STAG1: variants seen among roughly 807,000 people sequenced by gnomAD.
STAG1 encodes the protein cohesin subunit SA-1.
In STAG1, 26 loss-of-function variants were observed where a neutral mutation model predicts 170.9. The observed-to-expected ratio is 0.15, with a 90% CI of 0.11 to 0.21. The LOEUF (loss-of-function observed/expected upper bound fraction) is 0.21, where lower values mean the gene tolerates loss of function less well. Among genes scored for constraint, STAG1 ranks in the 10% least tolerant of loss-of-function variants. STAG1 has a pLI of 1.00. For missense variants in STAG1, 964 were observed against 1,509.5 expected (o/e 0.64, Z 5.99); for synonymous variants, 514 against 497.7 (o/e 1.03, Z -0.44).
intron 1 of STAG1, among the ~76,000 whole-genome samples, chr3:136,714,956 T>TA (rs1271408039): frequency 1.4e-5 from 1 of 69,156 alleles, no homozygotes; most frequent in African/African-American, 4.1e-5. Context: ...TATATATATA[T>TA]ATATATATTT....
At chr3:136,724,187 A>C (rs1933521291) in intron 1 of STAG1, among the ~76,000 whole-genome samples, 1 of 152,004 alleles carries the variant, frequency 6.6e-6, no homozygotes, top group East Asian at 1.9e-4. Context: ...GAAAGGATTG[A>C]GAAATCGGAT....
chr3:136,563,647 CAAAAA>C (rs772716937), intron 5 of STAG1, among the ~76,000 whole-genome samples: 1 of 97,968 alleles, frequency 1.0e-5, no homozygotes, highest in Non-Finnish European at 2.2e-5. Context: ...TTCTTTCTTA[CAAAAA>C]AAAAAAAAAA....
At chr3:136,689,142 A>G (rs940767303) in intron 1 of STAG1, among the ~76,000 whole-genome samples, 3 of 152,254 alleles carry the variant, frequency 2.0e-5, no homozygotes, top group Non-Finnish European at 4.4e-5. Flanking sequence ...CTCAAGAATA[A>G]TTTTGGCCAT....
chr3:136,390,026 T>C (rs1470535614), intron 22 of STAG1, among the ~76,000 whole-genome samples: 1 of 151,956 alleles, frequency 6.6e-6, no homozygotes, highest in Non-Finnish European at 1.5e-5. Flanking sequence ...AGAGATGGGG[T>C]TTCACCATAT....
Position 136,700,424 on chromosome 3 carries a change from T to C in STAG1, c.-84+51771A>G, listed in dbSNP as rs556871492. ...TACAACTAAATTACTTCTTCTTTTTTTTTTTTTTATTTGAGACAGAATTTC... is the reference window on the plus strand; with the variant it reads ...TACAACTAAATTACTTCTTCTTTTTCTTTTTTTTATTTGAGACAGAATTTC... On this transcript the variant is annotated intron_variant, in intron 1 of 33. Transcript: ENST00000383202. Among the ~76,000 whole-genome samples, 4 of 151,812 alleles carry C rather than the reference T, an allele frequency of 2.6e-5. No individual in the cohort carries two copies. The South Asian group carries it at 8.4e-4, about 32-fold the overall frequency.
chr3:136,681,329 T>C (rs1210320581), intron 1 of STAG1, among the ~76,000 whole-genome samples: 1 of 152,232 alleles, frequency 6.6e-6, no homozygotes, highest in African/African-American at 2.4e-5. Flanking sequence ...TATGAATCTT[T>C]ATATTAGAAT....
At chr3:136,522,773 G>A (rs891250572) in intron 6 of STAG1, among the ~76,000 whole-genome samples, 3 of 136,820 alleles carry the variant, frequency 2.2e-5, no homozygotes, top group African/African-American at 8.4e-5. Flanking sequence ...CTGTGTCCAA[G>A]TGTTCTCACT....
chr3:136,449,208 C>T (rs1416254947), intron 14 of STAG1, among the ~76,000 whole-genome samples: 1 of 152,098 alleles, frequency 6.6e-6, no homozygotes, highest in Non-Finnish European at 1.5e-5. Context: ...CACCATGAAT[C>T]ATTAGAATCA....
At chr3:136,577,137 C>A (rs1198929866) in intron 4 of STAG1, among the ~76,000 whole-genome samples, 1 of 152,150 alleles carries the variant, frequency 6.6e-6, no homozygotes, top group Non-Finnish European at 1.5e-5. Context: ...ATAATTATGG[C>A]TGTAAAGGCA....
At chr3:136,470,776 C>A (rs2089605780) in intron 12 of STAG1, among the ~76,000 whole-genome samples, 1 of 152,108 alleles carries the variant, frequency 6.6e-6, no homozygotes, top group African/African-American at 2.4e-5. Context: ...AAATGTGGCA[C>A]CTATACACCA....
chr3:136,540,390 T>C (rs997956862), intron 6 of STAG1, among the ~76,000 whole-genome samples: 13 of 152,134 alleles, frequency 8.5e-5, no homozygotes, highest in Non-Finnish European at 1.6e-4. Flanking sequence ...ATCTCAAATA[T>C]TGCGAGAAAA....
chr3:136,448,370 C>T (rs566725795), intron 14 of STAG1, among the ~76,000 whole-genome samples: 1 of 152,132 alleles, frequency 6.6e-6, no homozygotes, highest in African/African-American at 2.4e-5. Context: ...ATCCACATGA[C>T]CGGGGACGCC....
chr3:136,410,418 G>T (rs548115756), intron 21 of STAG1, among the ~76,000 whole-genome samples: 1 of 151,912 alleles, frequency 6.6e-6, no homozygotes, highest in Non-Finnish European at 1.5e-5. Flanking sequence ...TAAAAAGTTT[G>T]CCCTAAGACC....
Position 136,551,459 on chromosome 3 carries a change from G to T in STAG1, c.395-9264C>A, listed in dbSNP as rs1166438314. On this transcript the variant is annotated intron_variant, in intron 5 of 33. Coordinates refer to ENST00000383202, the MANE Select transcript of STAG1 (RefSeq NM_005862.3). ...TTTTTTTTTTGGCAGGGGGAAGAGG[G>T]GAGAGAGATAGGGTTTCTCTGTGTT... Among the ~76,000 whole-genome samples the T allele has an allele frequency of 5.8e-5, 8 of 136,902 alleles. No homozygotes were observed. The East Asian group carries it at 1.5e-3, about 26-fold the overall frequency. 89.8% of individuals were successfully genotyped at this position (136,902 alleles called of 152,430 possible).
In STAG1 at chr3:136,467,695, A is replaced by G. The variant is rs182182474; in HGVS notation, c.1206-2707T>C. On this transcript the variant is annotated intron_variant, in intron 12 of 33. Coordinates refer to ENST00000383202, the MANE Select transcript of STAG1 (RefSeq NM_005862.3). ...CTACAGAACTCTCCACCCCAAATCA[A>G]CAGAATATACATTCTTCTCAGCACC... Among the ~76,000 whole-genome samples the G allele has an allele frequency of 1.1e-4, 17 of 152,304 alleles. 1 individual carries two copies. Among genetic ancestry groups the G allele is most frequent in the Admixed American group, 5.2e-4 (8 of 15,302 alleles).
intron 21 of STAG1, among the ~76,000 whole-genome samples, chr3:136,413,813 G>A (rs540551120): frequency 6.6e-6 from 1 of 152,144 alleles, no homozygotes; most frequent in African/African-American, 2.4e-5. Flanking sequence ...TATGATAAAA[G>A]ATAAATCACT....
At chr3:136,393,590 CTTTTTTTTTTTTT>C (rs774648941) in intron 22 of STAG1, among the ~76,000 whole-genome samples, 4 of 130,142 alleles carry the variant, frequency 3.1e-5, no homozygotes, top group Non-Finnish European at 6.6e-5. Context: ...TACGCTTCAT[CTTTTTTTTTTTTT>C]TTTTTTTTGA....
At chr3:136,368,648 A>C (rs1244936090) in intron 24 of STAG1, among the ~76,000 whole-genome samples, 1 of 152,168 alleles carries the variant, frequency 6.6e-6, no homozygotes, top group Non-Finnish European at 1.5e-5. Flanking sequence ...GCCATATGTC[A>C]ATCTGTGTGA....
At chr3:136,433,436 C>A in intron 16 of STAG1, 120 bp downstream of exon 16, 1 of 718,946 alleles carries the variant, frequency 1.4e-6, no homozygotes, top group Non-Finnish European at 2.3e-6. Context: ...GCACCATAGT[C>A]CATCATTTAT....
Sources: allele counts gnomAD v4.1 joint callset (sites outside exome capture counted in the v4.1 genomes callset), GRCh38; gene constraint gnomAD v4.1.1; transcripts MANE v1.5; gene names NCBI Gene and HGNC (gene_info 2026-07-23, HGNC 2026-07-21).